The following STK39 variants were observed in gnomAD, a reference collection of about 807,000 sequenced individuals.
STK39 encodes serine/threonine kinase 39.
Under a neutral mutation model 77.8 loss-of-function variants are expected in STK39, and 20 were observed. The observed-to-expected ratio is 0.26, with a 90% CI of 0.18 to 0.37. The LOEUF (loss-of-function observed/expected upper bound fraction) is 0.37. Among genes scored for constraint, STK39 ranks in the 10% least tolerant of loss-of-function variants. The pLI is 1.00. For synonymous variants in STK39, 246 were observed against 234.1 expected, an observed-to-expected ratio of 1.05 and a Z score of -0.47; for missense variants, 479 against 656.5, an observed-to-expected ratio of 0.73 and a Z score of 2.95.
intron 14 of STK39, among the ~76,000 whole-genome samples, chr2:168,021,788 A>AT (rs11437167): frequency 0.14 from 21,353 of 150,280 alleles, 3,345 homozygotes; most frequent in African/African-American, 0.38. Flanking sequence ...AAGGACATTT[A>AT]TTTTTTTTTT....
rs1410676991 is a variant in STK39 at position 168,029,978 on chromosome 2, T to G, written c.1377-12883A>C. Among the ~76,000 whole-genome samples the G allele has an allele frequency of 2.0e-5, 3 of 152,136 alleles. No homozygotes were observed. In the East Asian group the frequency reaches 5.8e-4, roughly 29 times the overall value. Reference sequence around the variant, plus strand: ...ATTTTGGGCCGGGTGCGGTGGCTCATGCCTGTAATCCAAGCACTTTGGGAG... The same window carrying G: ...ATTTTGGGCCGGGTGCGGTGGCTCAGGCCTGTAATCCAAGCACTTTGGGAG... On this transcript the variant is annotated intron_variant, in intron 14 of 17. Transcript: ENST00000355999.
chr2:168,220,458 T>G (rs995829718), intron 1 of STK39, among the ~76,000 whole-genome samples: 2 of 152,172 alleles, frequency 1.3e-5, no homozygotes, highest in African/African-American at 4.8e-5. Flanking sequence ...TGGCTTCATT[T>G]TCTTCATTGG....
intron 16 of STK39, among the ~76,000 whole-genome samples, chr2:167,967,578 A>G (rs115755688): frequency 0.014 from 2,105 of 152,196 alleles, 15 homozygotes; most frequent in Non-Finnish European, 0.021. Flanking sequence ...TCTTTATGAA[A>G]CTGTAACAAT....
chr2:168,174,241 T>C (rs1481975692), intron 2 of STK39, among the ~76,000 whole-genome samples: 1 of 152,160 alleles, frequency 6.6e-6, no homozygotes, highest in East Asian at 1.9e-4. Context: ...AAGTGTAAAG[T>C]GTCAGGGCAA....
At chr2:167,987,235 C>CT (rs954210728) in intron 16 of STK39, among the ~76,000 whole-genome samples, 1 of 152,180 alleles carries the variant, frequency 6.6e-6, no homozygotes, top group African/African-American at 2.4e-5. Flanking sequence ...GCCACCCTCC[C>CT]TTCCCCTTCC....
chr2:168,163,967 A>T (rs1688638295), intron 3 of STK39, 87 bp from the exon 4 acceptor site: 1 of 1,496,626 alleles, frequency 6.7e-7, no homozygotes, highest in African/African-American at 1.4e-5. Context: ...ATTTAATAGA[A>T]ACATCAAAAT....
At chr2:168,000,575 A>G (rs1683974539) in intron 16 of STK39, among the ~76,000 whole-genome samples, 1 of 152,204 alleles carries the variant, frequency 6.6e-6, no homozygotes, top group East Asian at 1.9e-4. Flanking sequence ...ATGAACAAAT[A>G]CAAGAATTAG....
chr2:168,171,112 G>A (rs1574524286), intron 2 of STK39, among the ~76,000 whole-genome samples: 1 of 152,182 alleles, frequency 6.6e-6, no homozygotes, highest in Non-Finnish European at 1.5e-5. Flanking sequence ...TCTTCTCTGA[G>A]GCTGACAGAG....
At chr2:168,227,662 C>A (rs1690341586) in intron 1 of STK39, among the ~76,000 whole-genome samples, 1 of 152,220 alleles carries the variant, frequency 6.6e-6, no homozygotes, top group Admixed American at 6.5e-5. Flanking sequence ...TTTTGTAAAA[C>A]AATTTTTCTT....
chr2:168,012,474 A>G (rs1025488719), intron 16 of STK39, among the ~76,000 whole-genome samples, 160 bp downstream of exon 16: 1 of 152,154 alleles, frequency 6.6e-6, no homozygotes, highest in Non-Finnish European at 1.5e-5. Context: ...CGCCCGTCCA[A>G]ATATGATTCT....
chr2:168,018,408 G>A (rs1684469234), intron 14 of STK39, among the ~76,000 whole-genome samples: 1 of 151,818 alleles, frequency 6.6e-6, no homozygotes, highest in African/African-American at 2.4e-5. Context: ...GCTGAGGCAG[G>A]AGAACTGGAA....
chr2:168,092,379 G>A (rs1380793408), intron 10 of STK39, among the ~76,000 whole-genome samples: 1 of 152,278 alleles, frequency 6.6e-6, no homozygotes, highest in South Asian at 2.1e-4. Flanking sequence ...ATTCTATCTT[G>A]TTAATTCATT....
intron 8 of STK39, among the ~76,000 whole-genome samples, chr2:168,137,252 T>C (rs1229677933): frequency 6.6e-6 from 1 of 152,182 alleles, no homozygotes; most frequent in Non-Finnish European, 1.5e-5. Context: ...AAGGATCAAA[T>C]TGGATCCTCA....
chr2:168,172,992 A>C (rs1194592650), intron 2 of STK39, among the ~76,000 whole-genome samples: 1 of 152,202 alleles, frequency 6.6e-6, no homozygotes, highest in Non-Finnish European at 1.5e-5. Context: ...TTGGTTTAGG[A>C]GACAGCCTGG....
In STK39 at chr2:167,955,307, G is replaced by A; in HGVS notation, c.*189C>T. 3.8e-6 allele frequency: 2 copies of A among 532,158 alleles called. No homozygotes were observed. Among genetic ancestry groups the A allele is most frequent in the Non-Finnish European group, 6.7e-6 (2 of 297,360 alleles). The allele number at this position is 532,158 out of a possible 1,614,324, so 33.0% of individuals were successfully genotyped here. A position where few individuals can be genotyped will look rare whatever the true frequency, so the allele number is the denominator to read the frequency against. On this transcript the variant is annotated 3_prime_UTR_variant, in exon 18 of 18. Coordinates refer to ENST00000355999, the MANE Select transcript of STK39 (RefSeq NM_013233.3). ...TTGCTAGAGAATAAAGCAGAACTCG[G>A]AGTGTTGTAAGTTTTAAAAAATTAT... is the stretch of plus-strand genomic sequence containing the variant.
rs532584036 is a variant in STK39 at position 167,978,016 on chromosome 2, T to C, written c.1499-13290A>G. Among the ~76,000 whole-genome samples the C allele has an allele frequency of 4.6e-5, 7 of 152,302 alleles. 1 individual carries two copies. Among genetic ancestry groups the C allele is most frequent in the Admixed American group, 1.3e-4 (2 of 15,288 alleles). On this transcript the variant is annotated intron_variant, in intron 16 of 17. Coordinates refer to ENST00000355999, the MANE Select transcript of STK39 (RefSeq NM_013233.3). ...ATTGGGGGTTGAAGTGAGGTTGCTG[T>C]CTTCTGTTCCTGGGTGGGATCGCAA...
chr2:168,114,611 T>C (rs1687210913), intron 10 of STK39, among the ~76,000 whole-genome samples: 1 of 152,140 alleles, frequency 6.6e-6, no homozygotes. Flanking sequence ...ATACGTTCTT[T>C]TTAAAAACAA....
At chr2:168,134,109 A>T (rs530789397) in intron 8 of STK39, among the ~76,000 whole-genome samples, 5 of 152,226 alleles carry the variant, frequency 3.3e-5, no homozygotes, top group Non-Finnish European at 7.3e-5. Context: ...CAAACATCAA[A>T]CAATTCAGCA....
At chr2:168,032,808 TC>T (rs1368242701) in intron 14 of STK39, among the ~76,000 whole-genome samples, 2 of 152,308 alleles carry the variant, frequency 1.3e-5, no homozygotes, top group African/African-American at 4.8e-5. Flanking sequence ...GAGGGCCCTT[TC>T]CCCGATGGGT....
Sources: allele counts gnomAD v4.1 joint callset (sites outside exome capture counted in the v4.1 genomes callset), GRCh38; gene constraint gnomAD v4.1.1; transcripts MANE v1.5; gene names NCBI Gene and HGNC (gene_info 2026-07-23, HGNC 2026-07-21).